Variants in ADAMTS2 observed in about 807,000 individuals in gnomAD.
ADAMTS2 encodes A disintegrin and metalloproteinase with thrombospondin motifs 2.
ADAMTS2 carries 50 observed loss-of-function variants against 123.0 expected under a neutral mutation model. The ratio of observed to expected loss-of-function variants is 0.41; its 90% CI spans 0.32 to 0.51. The LOEUF (loss-of-function observed/expected upper bound fraction) is 0.51, where lower values mean the gene tolerates loss of function less well. Among genes scored for constraint, ADAMTS2 ranks in the 20% least tolerant of loss-of-function variants. ADAMTS2 has a pLI of 0.35. For missense variants in ADAMTS2, 1,494 were observed against 1,705.2 expected, an observed-to-expected ratio of 0.88 and a Z score of 2.18; for synonymous variants, 678 against 695.4, an observed-to-expected ratio of 0.98 and a Z score of 0.39.
At chr5:179,322,218 C>G (rs138490425) in intron 2 of ADAMTS2, among the ~76,000 whole-genome samples, 9 of 152,194 alleles carry the variant, frequency 5.9e-5, no homozygotes, top group Admixed American at 5.2e-4. Context: ...TGCCAGCCAT[C>G]GTGAGTCACC....
At chr5:179,160,924 C>A (rs191219053) in intron 5 of ADAMTS2, among the ~76,000 whole-genome samples, 48 of 152,298 alleles carry the variant, frequency 3.2e-4, no homozygotes, top group Middle Eastern at 6.8e-3. Context: ...GAGAGCTCTC[C>A]TTTCTGGCAC....
chr5:179,299,223 T>C (rs915689689), intron 2 of ADAMTS2, among the ~76,000 whole-genome samples: 1 of 151,676 alleles, frequency 6.6e-6, no homozygotes, highest in Non-Finnish European at 1.5e-5. Context: ...TTACTGCAAA[T>C]GTAGTGGCTT....
intron 4 of ADAMTS2, among the ~76,000 whole-genome samples, chr5:179,203,963 G>A (rs983541007): frequency 3.3e-5 from 5 of 152,190 alleles, no homozygotes; most frequent in Non-Finnish European, 7.3e-5. Context: ...ATGGATGGCT[G>A]GATAAACAAA....
At chr5:179,178,639 G>A (rs1763981261) in intron 5 of ADAMTS2, among the ~76,000 whole-genome samples, 1 of 152,212 alleles carries the variant, frequency 6.6e-6, no homozygotes, top group South Asian at 2.1e-4. Flanking sequence ...AAATAGGTCA[G>A]AGGGTTGCTT....
Position 179,180,193 on chromosome 5 carries a change from C to T in ADAMTS2, c.975+879G>A, listed in dbSNP as rs1006287376. On this transcript the variant is annotated intron_variant, in intron 5 of 21. Coordinates refer to ENST00000251582, the MANE Select transcript of ADAMTS2 (RefSeq NM_014244.5). The surrounding 1 kb of genome is among the most constrained non-coding windows in gnomAD (Gnocchi z 4.6). ...ACTTTGCAGTCTACACGGGCCGTAC[C>T]GTGGGGCTCCTCTCTTCCTCTGTCT... Among the ~76,000 whole-genome samples the T allele has an allele frequency of 2.0e-5, 3 of 152,312 alleles. No homozygotes were observed. Among genetic ancestry groups the T allele is most frequent in the East Asian group, 1.9e-4 (1 of 5,172 alleles).
At chr5:179,176,037 A>G (rs1763923530) in intron 5 of ADAMTS2, among the ~76,000 whole-genome samples, 1 of 152,026 alleles carries the variant, frequency 6.6e-6, no homozygotes, top group Admixed American at 6.5e-5. Flanking sequence ...CCTTTGTTTG[A>G]CCAGCATTTT....
At position 179,129,490 on chromosome 5, in the gene ADAMTS2, CGTG is replaced by C. The variant is rs1177841670; in HGVS notation, c.2457+439_2457+441del. Among the ~76,000 whole-genome samples, 1 of 152,184 alleles carries C rather than the reference CGTG, an allele frequency of 6.6e-6. No individual in the cohort carries two copies. The highest frequency in any genetic ancestry group is 1.5e-5 in the Non-Finnish European group (1 of 68,036). On this transcript the variant is annotated intron_variant, in intron 16 of 21. Coordinates refer to ENST00000251582, the MANE Select transcript of ADAMTS2 (RefSeq NM_014244.5). This position sits in a 1 kb window ranked among gnomAD's most constrained non-coding sequence, Gnocchi z 4.1. The stretch of plus-strand genomic sequence containing the variant: ...GAAAGTGATTTGAAAATCCAGCCCC[CGTG>C]GTACTTTCCTACAACCAGGAGATCT...
chr5:179,204,550 G>T (rs1304321862), intron 4 of ADAMTS2, among the ~76,000 whole-genome samples: 1 of 152,186 alleles, frequency 6.6e-6, no homozygotes, highest in African/African-American at 2.4e-5. Context: ...GCTCTGGAAG[G>T]TCACCCTTTC....
In ADAMTS2 at chr5:179,121,747, T is replaced by C; in HGVS notation, c.3092A>G (p.Asn1031Ser). ...GCTCTTCTTGGAGGGATCTGAGATG[T>C]TTCCTAGAGGGAGGAGAGAGGGGCT... ...RTCRLGPCPR[N>S]ISDPSKKSYV... The change falls in exon 21 of 22, where the codon AAC (asparagine) becomes AGC (serine). Residue 1031 changes from asparagine to serine, a missense_variant. By Grantham distance (46) the Asn-to-Ser change is conservative. This residue lies in a region of ADAMTS2 where 953 missense variants were observed against 1,124.7 expected (regional missense o/e 0.85). Transcript: ENST00000251582. 1 of 1,568,142 alleles carries C rather than the reference T, an allele frequency of 6.4e-7. No individual in the cohort carries two copies. Among genetic ancestry groups the C allele is most frequent in the Non-Finnish European group, 8.7e-7 (1 of 1,153,656 alleles).
At chr5:179,159,075 TCA>T (rs1238856732) in intron 5 of ADAMTS2, among the ~76,000 whole-genome samples, 196 bp from the exon 6 acceptor site, 1 of 152,218 alleles carries the variant, frequency 6.6e-6, no homozygotes, top group African/African-American at 2.4e-5. Flanking sequence ...GTTTCCCCAG[TCA>T]CACTCACCTG....
At chr5:179,194,374 C>G (rs998045193) in intron 4 of ADAMTS2, among the ~76,000 whole-genome samples, 1 of 152,214 alleles carries the variant, frequency 6.6e-6, no homozygotes, top group African/African-American at 2.4e-5. Flanking sequence ...ACGACATCCC[C>G]AGCACCTAGG....
At chr5:179,255,865 C>A (rs904529946) in intron 3 of ADAMTS2, among the ~76,000 whole-genome samples, 1 of 152,184 alleles carries the variant, frequency 6.6e-6, no homozygotes, top group African/African-American at 2.4e-5. Flanking sequence ...GGCTGGGCAG[C>A]CCTGGAGTGT....
intron 20 of ADAMTS2, among the ~76,000 whole-genome samples, chr5:179,122,410 AG>A (rs1168942493): frequency 2.6e-5 from 4 of 152,104 alleles, no homozygotes; most frequent in Non-Finnish European, 5.9e-5. Context: ...TGTCACCGTG[AG>A]TCTGCAGTGC....
At chr5:179,222,525 C>T (rs1765150439) in intron 3 of ADAMTS2, among the ~76,000 whole-genome samples, 1 of 152,230 alleles carries the variant, frequency 6.6e-6, no homozygotes, top group Admixed American at 6.5e-5. Context: ...CCCCAGCTGC[C>T]CTCAACACTG....
chr5:179,223,166 C>T (rs72818660), intron 3 of ADAMTS2, among the ~76,000 whole-genome samples: 2,427 of 152,364 alleles, frequency 0.016, 34 homozygotes, highest in Non-Finnish European at 0.022. Flanking sequence ...TCTAGGAGAG[C>T]GCTCTGGGGT....
At chr5:179,342,003 G>C (rs1757788082) in intron 2 of ADAMTS2, among the ~76,000 whole-genome samples, 1 of 152,124 alleles carries the variant, frequency 6.6e-6, no homozygotes, top group Non-Finnish European at 1.5e-5. Context: ...CAGCCCCCCA[G>C]GAGCACACTC....
chr5:179,306,040 A>G (rs1386665479), intron 2 of ADAMTS2, among the ~76,000 whole-genome samples: 3 of 152,192 alleles, frequency 2.0e-5, no homozygotes, highest in African/African-American at 7.2e-5. Context: ...GGAAAATTCT[A>G]CTAACCTCTC....
rs1461753087 is a variant in ADAMTS2, at chr5:179,256,498, GA to G, written c.688+16412del. ...ATGAAGATGTGGATGTGTCTGCTCT[GA>G]CCATGGGTGTGTGCATGCCTGCGTG... On this transcript the variant is annotated intron_variant, in intron 3 of 21. Transcript: ENST00000251582. This position sits in a 1 kb window ranked among gnomAD's most constrained non-coding sequence, Gnocchi z 4.1. Among the ~76,000 whole-genome samples, 2 of 151,478 alleles carry G rather than the reference GA, an allele frequency of 1.3e-5. No homozygotes were observed.
intron 2 of ADAMTS2, among the ~76,000 whole-genome samples, chr5:179,290,582 G>T (rs1353919407): frequency 6.6e-6 from 1 of 152,226 alleles, no homozygotes; most frequent in African/African-American, 2.4e-5. Flanking sequence ...GAAGGGCACA[G>T]AGGAAATCTA....
Sources: gnomAD v4.1 joint callset for allele counts (sites outside exome capture counted in the v4.1 genomes callset) on GRCh38, gnomAD v4.1.1 for gene constraint, gnomAD v4.1.1 regional missense constraint, Gnocchi (gnomAD v3.1) non-coding constraint, MANE v1.5 for transcripts, NCBI Gene and HGNC (gene_info 2026-07-23, HGNC 2026-07-21) for gene names.